SCN11A: variants seen among roughly 807,000 people sequenced by gnomAD.
SCN11A encodes sodium channel protein type 11 subunit alpha.
Under a neutral mutation model 162.2 loss-of-function variants are expected in SCN11A, and 122 were observed. The observed-to-expected ratio is 0.75, with a 90% CI of 0.65 to 0.87. The LOEUF (loss-of-function observed/expected upper bound fraction) is 0.87. Ranked by LOEUF, SCN11A falls within the 40% of genes least tolerant of loss-of-function variation. The pLI is 0.00. For missense variants in SCN11A, 2,015 were observed against 2,181.6 expected, an observed-to-expected ratio of 0.92 and a Z score of 1.52; for synonymous variants, 758 against 751.5, an observed-to-expected ratio of 1.01 and a Z score of -0.14.
intron 2 of SCN11A, among the ~76,000 whole-genome samples, chr3:38,961,540 G>A (rs1468654052): frequency 3.9e-5 from 6 of 152,162 alleles, no homozygotes; most frequent in African/African-American, 1.4e-4. Flanking sequence ...CCCTTGCCTG[G>A]TTTCACAGTG....
At chr3:39,033,871 A>C (rs1477770249) in intron 1 of SCN11A, among the ~76,000 whole-genome samples, 1 of 152,200 alleles carries the variant, frequency 6.6e-6, no homozygotes, top group Admixed American at 6.5e-5. Context: ...TCTAGAGATA[A>C]TTAAAAGTAT....
intron 23 of SCN11A, among the ~76,000 whole-genome samples, chr3:38,879,382 C>T (rs372892167): frequency 1.3e-5 from 2 of 152,136 alleles, no homozygotes; most frequent in East Asian, 3.8e-4. Flanking sequence ...CCAATTTCAC[C>T]ACTTATCAGC....
intron 2 of SCN11A, among the ~76,000 whole-genome samples, chr3:39,019,754 G>A (rs1402665965): frequency 6.6e-6 from 1 of 152,086 alleles, no homozygotes; most frequent in Non-Finnish European, 1.5e-5. Context: ...TAATTCATAT[G>A]TCACTTTCTT....
rs538597233 is a variant in SCN11A, at chr3:38,977,517, T to C, written c.-279-17094A>G. On this transcript the variant is annotated intron_variant, in intron 2 of 29. Transcript: ENST00000302328. ...AATATTTGAAAACCCTTTAGAACAT[T>C]GCTTGATACATCATAAGTGCTCAAC... is the stretch of plus-strand genomic sequence containing the variant. 2.0e-5 allele frequency among the ~76,000 whole-genome samples: 3 copies of C among 152,354 alleles called. No homozygotes were observed. In the South Asian group the frequency reaches 6.2e-4, roughly 32 times the overall value.
At chr3:39,005,007 C>T (rs1234273882) in intron 2 of SCN11A, among the ~76,000 whole-genome samples, 1 of 152,164 alleles carries the variant, frequency 6.6e-6, no homozygotes, top group African/African-American at 2.4e-5. Context: ...GCTCACAACT[C>T]TAAGGATTTC....
chr3:38,944,483 C>T (rs1037926954), intron 7 of SCN11A, among the ~76,000 whole-genome samples: 15 of 151,888 alleles, frequency 9.9e-5, no homozygotes, highest in African/African-American at 2.9e-4. Flanking sequence ...CCCGCCACCA[C>T]GCCTGGCTAA....
rs146850326 is a variant in SCN11A, at chr3:39,018,966, C to T, written c.-280+13414G>A. Among the ~76,000 whole-genome samples the T allele has an allele frequency of 1.6e-4, 24 of 152,290 alleles. No homozygotes were observed. The East Asian group carries it at 4.4e-3, about 28-fold the overall frequency. ...TTAGCCTTCAAGCTGCCCTCCTAGG[C>T]TTAAGCAAGCTAACTTTGGGAGAAA... is the stretch of plus-strand genomic sequence containing the variant. On this transcript the variant is annotated intron_variant, in intron 2 of 29. Transcript: ENST00000302328.
intron 9 of SCN11A, among the ~76,000 whole-genome samples, chr3:38,924,675 A>C (rs182689775): frequency 1.1e-3 from 161 of 152,004 alleles, no homozygotes; most frequent in Admixed American, 2.5e-3. Flanking sequence ...ACCTGGCCTT[A>C]ACTCTTGTAT....
chr3:38,920,508 T>G (rs532123907), intron 10 of SCN11A, among the ~76,000 whole-genome samples: 7 of 152,038 alleles, frequency 4.6e-5, no homozygotes, highest in Admixed American at 1.3e-4. Flanking sequence ...CTGGCCAACA[T>G]GGTGAAACCT....
chr3:38,859,830 G>A (rs2064934124), intron 28 of SCN11A, among the ~76,000 whole-genome samples: 1 of 152,106 alleles, frequency 6.6e-6, no homozygotes, highest in South Asian at 2.1e-4. Context: ...TCTTGCCTGG[G>A]GACCAGTCTG....
intron 9 of SCN11A, among the ~76,000 whole-genome samples, chr3:38,923,882 A>G (rs557274965): frequency 3.9e-5 from 6 of 152,268 alleles, no homozygotes; most frequent in African/African-American, 1.4e-4. Context: ...GGAGGATTGG[A>G]TAGGAAGAAC....
chr3:38,979,846 G>C (rs1471126327), intron 2 of SCN11A, among the ~76,000 whole-genome samples: 3 of 152,108 alleles, frequency 2.0e-5, no homozygotes, highest in Non-Finnish European at 4.4e-5. Flanking sequence ...GAAAAACTGG[G>C]AAGTCTCCCA....
intron 11 of SCN11A, among the ~76,000 whole-genome samples, chr3:38,911,983 T>A (rs141701464): frequency 6.6e-5 from 10 of 152,198 alleles, no homozygotes. Flanking sequence ...GAGCTGTTCA[T>A]GTGTTTTAAT....
chr3:38,913,121 T>A (rs561106968), intron 11 of SCN11A, among the ~76,000 whole-genome samples: 17 of 152,332 alleles, frequency 1.1e-4, no homozygotes, highest in Non-Finnish European at 1.9e-4. Flanking sequence ...TGTGTTCCCT[T>A]TTCTCCACAA....
intron 2 of SCN11A, among the ~76,000 whole-genome samples, chr3:39,012,102 G>C (rs1259649157): frequency 1.3e-5 from 2 of 152,120 alleles, no homozygotes; most frequent in African/African-American, 4.8e-5. Flanking sequence ...AAGGCGGGCA[G>C]ATCACCTGAG....
intron 11 of SCN11A, among the ~76,000 whole-genome samples, chr3:38,912,675 A>G (rs1446829311): frequency 6.6e-6 from 1 of 151,764 alleles, no homozygotes; most frequent in Non-Finnish European, 1.5e-5. Flanking sequence ...GTTCTTTTCT[A>G]TGTCCGTGAG....
intron 7 of SCN11A, among the ~76,000 whole-genome samples, chr3:38,931,187 G>A (rs140592421): frequency 9.5e-4 from 144 of 152,328 alleles, no homozygotes; most frequent in African/African-American, 3.3e-3. Context: ...GACATTGCCA[G>A]GATGGCACCT....
chr3:38,878,266 C>T (rs866143945), intron 23 of SCN11A, among the ~76,000 whole-genome samples: 1 of 151,790 alleles, frequency 6.6e-6, no homozygotes, highest in African/African-American at 2.4e-5. Flanking sequence ...TTTTTAATGG[C>T]GATCACTAGA....
intron 2 of SCN11A, among the ~76,000 whole-genome samples, chr3:39,004,814 T>C (rs763873500): frequency 6.6e-6 from 1 of 152,186 alleles, no homozygotes; most frequent in Non-Finnish European, 1.5e-5. Flanking sequence ...TTTCCACTCT[T>C]CATACATATA....
Sources: allele counts gnomAD v4.1 joint callset (sites outside exome capture counted in the v4.1 genomes callset), GRCh38; gene constraint gnomAD v4.1.1; transcripts MANE v1.5; gene names NCBI Gene and HGNC (gene_info 2026-07-23, HGNC 2026-07-21).